TAFA1: variants seen among roughly 807,000 people sequenced by gnomAD.
TAFA1 encodes TAFA chemokine like family member 1, also known as chemokine-like protein TAFA-1.
Under a neutral mutation model 18.5 loss-of-function variants are expected in TAFA1, and 4 were observed. The ratio of observed to expected loss-of-function variants is 0.22; its 90% confidence interval spans 0.11 to 0.49. The LOEUF (loss-of-function observed/expected upper bound fraction) is 0.49, where lower values mean the gene tolerates loss of function less well. Ranked by LOEUF, TAFA1 falls within the 20% of genes least tolerant of loss-of-function variation. TAFA1 has a pLI of 0.98. For missense variants in TAFA1, 147 were observed against 169.0 expected, an observed-to-expected ratio of 0.87 and a Z score of 0.72; for synonymous variants, 56 against 55.2, an observed-to-expected ratio of 1.01 and a Z score of -0.06.
chr3:68,393,266 T>C (rs2070300933), intron 2 of TAFA1, among the ~76,000 whole-genome samples: 1 of 151,554 alleles, frequency 6.6e-6, no homozygotes, highest in Non-Finnish European at 1.5e-5. Context: ...AAGAAATGGA[T>C]AAATTCCTGG....
At chr3:68,125,332 T>C (rs954228988) in intron 2 of TAFA1, among the ~76,000 whole-genome samples, 3 of 152,250 alleles carry the variant, frequency 2.0e-5, no homozygotes, top group African/African-American at 7.2e-5. Flanking sequence ...GCCTGGTATG[T>C]AGCAAGAGCT....
intron 2 of TAFA1, among the ~76,000 whole-genome samples, chr3:68,142,116 TA>T (rs1314767840): frequency 1.3e-5 from 2 of 152,100 alleles, no homozygotes; most frequent in Non-Finnish European, 1.5e-5. Flanking sequence ...TGGGGAAAGA[TA>T]AAAAAGAAGA....
chr3:68,415,282 A>T (rs2070808767), intron 2 of TAFA1, among the ~76,000 whole-genome samples: 1 of 152,182 alleles, frequency 6.6e-6, no homozygotes, highest in South Asian at 2.1e-4. Context: ...AAAAATTCCC[A>T]TTCATTGCTG....
At chr3:68,419,002 T>C (rs9850187) in intron 3 of TAFA1, among the ~76,000 whole-genome samples, 63,692 of 152,002 alleles carry the variant, frequency 0.42, 13,950 homozygotes, top group Non-Finnish European at 0.46. Flanking sequence ...TTGACTGATA[T>C]GGCAGAATGG....
intron 2 of TAFA1, among the ~76,000 whole-genome samples, chr3:68,073,244 T>C (rs2064779551): frequency 1.3e-5 from 2 of 152,154 alleles, no homozygotes; most frequent in Admixed American, 1.3e-4. Flanking sequence ...TTTTTATAGA[T>C]TTACTGAACG....
chr3:68,201,493 A>G (rs1000780470), intron 2 of TAFA1, among the ~76,000 whole-genome samples: 2 of 151,748 alleles, frequency 1.3e-5, no homozygotes, highest in Non-Finnish European at 3.0e-5. Context: ...GTCTCCAACC[A>G]TAATAATGGA....
chr3:68,119,365 T>G (rs941030665), intron 2 of TAFA1, among the ~76,000 whole-genome samples: 49 of 152,142 alleles, frequency 3.2e-4, no homozygotes, highest in African/African-American at 1.1e-3. Context: ...TTTCCTTTGG[T>G]GCATATAAGT....
chr3:68,155,957 G>T (rs974689879), intron 2 of TAFA1, among the ~76,000 whole-genome samples: 1 of 152,122 alleles, frequency 6.6e-6, no homozygotes, highest in African/African-American at 2.4e-5. Flanking sequence ...ACACAACAGC[G>T]GTTGCAGGCA....
In TAFA1 at chr3:68,140,959, A is replaced by T. The variant is rs114372909; in HGVS notation, c.118+134215A>T. 5.0e-3 allele frequency among the ~76,000 whole-genome samples: 764 copies of T among 152,310 alleles called. 3 individuals are homozygous for T. Among genetic ancestry groups the T allele is most frequent in the Non-Finnish European group, 7.7e-3 (526 of 68,032 alleles). On this transcript the variant is annotated intron_variant, in intron 2 of 4. Transcript: ENST00000478136. ...AAACCATGTATAATTTGTTAAAGTG[A>T]CTTCAATGAGCTTAAAAAGAAACAT...
rs1355631845 is a variant in TAFA1, at chr3:68,417,261, G to C, written c.119-19G>C. On this transcript the variant is annotated intron_variant, in intron 2 of 4. Coordinates refer to ENST00000478136, the MANE Select transcript of TAFA1 (RefSeq NM_213609.4). The stretch of plus-strand genomic sequence containing the variant: ...TGAGTTATTTCTAATCAGTGTCCCT[G>C]TTCTTTCTCTCTTGCCAGAAGGAGG... 16 of 1,611,482 alleles carry C rather than the reference G, an allele frequency of 9.9e-6. No individual in the cohort carries two copies. The highest frequency in any genetic ancestry group is 1.3e-5 in the Non-Finnish European group (15 of 1,178,514).
At chr3:68,126,223 C>T (rs1449540519) in intron 2 of TAFA1, among the ~76,000 whole-genome samples, 1 of 152,206 alleles carries the variant, frequency 6.6e-6, no homozygotes. Flanking sequence ...CTGTTCCATG[C>T]TGCCTCCCCA....
At chr3:68,301,758 C>T (rs941910651) in intron 2 of TAFA1, among the ~76,000 whole-genome samples, 4 of 152,166 alleles carry the variant, frequency 2.6e-5, no homozygotes, top group Non-Finnish European at 5.9e-5. Flanking sequence ...TGTCAGAAGT[C>T]GGTCAGATGA....
intron 2 of TAFA1, among the ~76,000 whole-genome samples, chr3:68,264,925 AT>A (rs376591832): frequency 2.0e-5 from 3 of 152,132 alleles, no homozygotes; most frequent in African/African-American, 7.2e-5. Context: ...ATAAAAAGAT[AT>A]GTTAAGATTT....
chr3:68,235,094 C>T (rs2066913031), intron 2 of TAFA1, among the ~76,000 whole-genome samples: 1 of 152,134 alleles, frequency 6.6e-6, no homozygotes, highest in South Asian at 2.1e-4. Context: ...TATGCATTTT[C>T]ACCTCAGTTC....
intron 2 of TAFA1, among the ~76,000 whole-genome samples, chr3:68,375,815 A>C (rs1289859695): frequency 6.6e-6 from 1 of 152,216 alleles, no homozygotes; most frequent in Non-Finnish European, 1.5e-5. Flanking sequence ...TTGTATGTGC[A>C]TATATAAATA....
intron 3 of TAFA1, among the ~76,000 whole-genome samples, chr3:68,467,106 G>A (rs1160502744): frequency 6.6e-6 from 1 of 152,130 alleles, no homozygotes; most frequent in Non-Finnish European, 1.5e-5. Context: ...CGGCCCACAG[G>A]CAGCTAGACT....
In TAFA1 at chr3:68,243,530, T is replaced by C. The variant is rs914723983; in HGVS notation, c.119-173750T>C. Among the ~76,000 whole-genome samples, 56 of 152,202 alleles carry C rather than the reference T, an allele frequency of 3.7e-4. 2 individuals carry two copies. ...TCTTCTGACTCTATATCTCAACTACTATATAAATGAAATCATATCGTATAT... is the reference window on the plus strand; with the variant it reads ...TCTTCTGACTCTATATCTCAACTACCATATAAATGAAATCATATCGTATAT... On this transcript the variant is annotated intron_variant, in intron 2 of 4. Transcript: ENST00000478136.
intron 2 of TAFA1, among the ~76,000 whole-genome samples, chr3:68,339,453 A>G (rs2069042669): frequency 6.6e-6 from 1 of 152,206 alleles, no homozygotes; most frequent in African/African-American, 2.4e-5. Context: ...CCAATTTGAG[A>G]GAGAAAGACA....
intron 2 of TAFA1, among the ~76,000 whole-genome samples, chr3:68,123,542 G>C (rs1025604345): frequency 3.3e-5 from 5 of 152,126 alleles, no homozygotes; most frequent in Non-Finnish European, 7.4e-5. Flanking sequence ...CTCCAGTCTG[G>C]TAAGACTTTT....
Sources: allele counts gnomAD v4.1 joint callset (sites outside exome capture counted in the v4.1 genomes callset), GRCh38; gene constraint gnomAD v4.1.1; transcripts MANE v1.5; gene names NCBI Gene and HGNC (gene_info 2026-07-23, HGNC 2026-07-21).